Variants in RIMS2 observed in about 807,000 individuals in gnomAD.
RIMS2 encodes regulating synaptic membrane exocytosis 2, also known as regulating synaptic membrane exocytosis protein 2.
Under a neutral mutation model 174.4 loss-of-function variants are expected in RIMS2, and 59 were observed. The ratio of observed to expected loss-of-function variants is 0.34; its 90% CI spans 0.27 to 0.42. The LOEUF is 0.42. Among genes scored for constraint, RIMS2 ranks in the 10% least tolerant of loss-of-function variants. The probability of loss-of-function intolerance (pLI) is 1.00; values close to 1 mark genes in which losing one functional copy is unlikely to be tolerated. For synonymous variants in RIMS2, 606 were observed against 572.5 expected, an observed-to-expected ratio of 1.06 and a Z score of -0.84; for missense variants, 1,620 against 1,666.3, an observed-to-expected ratio of 0.97 and a Z score of 0.48.
At chr8:103,650,046 G>A (rs2111493) in intron 1 of RIMS2, among the ~76,000 whole-genome samples, 23 of 151,892 alleles carry the variant, frequency 1.5e-4, no homozygotes, top group African/African-American at 5.3e-4. Flanking sequence ...TTCTTTCTTA[G>A]CTTTATGGGC....
At chr8:104,147,138 T>C (rs915902296) in intron 19 of RIMS2, among the ~76,000 whole-genome samples, 1 of 152,206 alleles carries the variant, frequency 6.6e-6, no homozygotes, top group Non-Finnish European at 1.5e-5. Flanking sequence ...TAAAACAAAC[T>C]TGAAAATTAT....
intron 1 of RIMS2, among the ~76,000 whole-genome samples, chr8:103,539,848 G>A (rs2131216624): frequency 6.6e-6 from 1 of 152,338 alleles, no homozygotes; most frequent in Middle Eastern, 3.4e-3. Flanking sequence ...CACTGTGCTT[G>A]CTCACATTCC....
chr8:103,579,314 G>A (rs1250362226), intron 1 of RIMS2, among the ~76,000 whole-genome samples: 1 of 151,278 alleles, frequency 6.6e-6, no homozygotes, highest in Non-Finnish European at 1.5e-5. Context: ...CACACGAAAT[G>A]CCAAAGGGAG....
At chr8:103,792,184 C>T (rs913530817) in intron 3 of RIMS2, among the ~76,000 whole-genome samples, 5 of 152,182 alleles carry the variant, frequency 3.3e-5, no homozygotes, top group African/African-American at 1.2e-4. Flanking sequence ...AAGCACTCCT[C>T]AGCAAATGTA....
chr8:104,119,268 G>C (rs1398578259), intron 19 of RIMS2, among the ~76,000 whole-genome samples: 1 of 151,962 alleles, frequency 6.6e-6, no homozygotes, highest in Non-Finnish European at 1.5e-5. Context: ...GCTGAGGCAG[G>C]AGAATTGCTT....
chr8:103,568,887 G>A (rs2092590774), intron 1 of RIMS2: 9 of 1,138,512 alleles, frequency 7.9e-6, no homozygotes, highest in Non-Finnish European at 1.2e-5. Flanking sequence ...ATTAAAAGAG[G>A]CAGGAAGACC....
intron 1 of RIMS2, among the ~76,000 whole-genome samples, chr8:103,594,869 T>G (rs898992400): frequency 6.6e-6 from 1 of 151,924 alleles, no homozygotes; most frequent in Admixed American, 6.6e-5. Flanking sequence ...CTGCTATCCC[T>G]ATAAGACATG....
intron 1 of RIMS2, among the ~76,000 whole-genome samples, chr8:103,684,887 C>T (rs772304532): frequency 2.6e-5 from 4 of 152,020 alleles, no homozygotes; most frequent in Non-Finnish European, 4.4e-5. Context: ...TCACCTGGCA[C>T]ATACTTTTTA....
intron 19 of RIMS2, among the ~76,000 whole-genome samples, chr8:104,105,192 G>A (rs889313139): frequency 6.6e-6 from 1 of 152,146 alleles, no homozygotes; most frequent in Admixed American, 6.5e-5. Flanking sequence ...AATAAAAGGG[G>A]TTGGGTGTCG....
At chr8:103,791,420 G>C (rs182263704) in intron 3 of RIMS2, among the ~76,000 whole-genome samples, 3 of 152,120 alleles carry the variant, frequency 2.0e-5, no homozygotes, top group African/African-American at 7.2e-5. Flanking sequence ...CCTGAAGGAA[G>C]CACTAAACAT....
chr8:103,822,386 T>C (rs1218280220), intron 3 of RIMS2, among the ~76,000 whole-genome samples: 1 of 151,680 alleles, frequency 6.6e-6, no homozygotes, highest in Non-Finnish European at 1.5e-5. Context: ...GTTCAACTTG[T>C]TAAAGGAGGA....
intron 19 of RIMS2, among the ~76,000 whole-genome samples, chr8:104,116,480 C>A (rs1183301252): frequency 6.6e-6 from 1 of 151,704 alleles, no homozygotes; most frequent in East Asian, 1.9e-4. Context: ...TTAAATTAAG[C>A]TTTATTGATA....
chr8:104,186,687 C>T (rs765185695), intron 19 of RIMS2, among the ~76,000 whole-genome samples: 1 of 151,710 alleles, frequency 6.6e-6, no homozygotes, highest in Non-Finnish European at 1.5e-5. Flanking sequence ...TAATTAAATC[C>T]TTTTGTCCTT....
chr8:104,121,341 A>C (rs1274306719), intron 19 of RIMS2, among the ~76,000 whole-genome samples: 2 of 152,152 alleles, frequency 1.3e-5, no homozygotes, highest in Admixed American at 1.3e-4. Flanking sequence ...AGGATTTTTA[A>C]ATACATTAAG....
intron 3 of RIMS2, chr8:103,768,429 T>A (rs2098205953): frequency 1.3e-6 from 1 of 760,122 alleles, no homozygotes; most frequent in Non-Finnish European, 2.5e-6. Context: ...GGTTATGTGG[T>A]CCTAATCAGT....
intron 3 of RIMS2, among the ~76,000 whole-genome samples, chr8:103,808,390 G>A (rs566783238): frequency 6.6e-6 from 1 of 151,924 alleles, no homozygotes; most frequent in Non-Finnish European, 1.5e-5. Context: ...TCTTATTTGC[G>A]TGTTTTTCCT....
intron 1 of RIMS2, among the ~76,000 whole-genome samples, chr8:103,610,690 T>C (rs1267011350): frequency 6.6e-6 from 1 of 152,196 alleles, no homozygotes. Flanking sequence ...AATTTGATTG[T>C]GGTGGAGTAG....
At chr8:104,109,950 C>G (rs1000836250) in intron 19 of RIMS2, among the ~76,000 whole-genome samples, 1 of 152,094 alleles carries the variant, frequency 6.6e-6, no homozygotes, top group Admixed American at 6.6e-5. Flanking sequence ...ATGTGCTAGA[C>G]CCTGTGCCAA....
At chr8:104,159,035 C>T (rs1233163592) in intron 19 of RIMS2, among the ~76,000 whole-genome samples, 7 of 152,128 alleles carry the variant, frequency 4.6e-5, no homozygotes, top group African/African-American at 1.4e-4. Context: ...TTAGGTCTTA[C>T]ATTTAAGTCT....
Sources: gnomAD v4.1 joint callset for allele counts (sites outside exome capture counted in the v4.1 genomes callset) on GRCh38, gnomAD v4.1.1 for gene constraint, MANE v1.5 for transcripts, NCBI Gene and HGNC (gene_info 2026-07-23, HGNC 2026-07-21) for gene names.